The following ABCC3 variants were observed in gnomAD, a reference collection of about 807,000 sequenced individuals.
ABCC3 encodes ATP binding cassette subfamily C member 3, also known as ATP-binding cassette sub-family C member 3.
In ABCC3, 121 loss-of-function variants were observed where a neutral mutation model predicts 165.3. The observed-to-expected ratio is 0.73, with a 90% CI of 0.63 to 0.85. The LOEUF (loss-of-function observed/expected upper bound fraction) is 0.85, where lower values mean the gene tolerates loss of function less well. ABCC3 is among the 40% of genes least tolerant of loss of function. The pLI, the probability that ABCC3 is intolerant of heterozygous loss-of-function variation, is 0.00. For synonymous variants in ABCC3, 733 were observed against 810.1 expected, an observed-to-expected ratio of 0.90 and a Z score of 1.62; for missense variants, 1,869 against 1,964.1, an observed-to-expected ratio of 0.95 and a Z score of 0.92.
intron 1 of ABCC3, among the ~76,000 whole-genome samples, chr17:50,636,369 T>TAAA (rs4148406): frequency 1.3e-3 from 188 of 145,494 alleles, no homozygotes; most frequent in African/African-American, 4.5e-3. Flanking sequence ...GCAATGGAGG[T>TAAA]AAAAAAAAAA....
intron 4 of ABCC3, among the ~76,000 whole-genome samples, chr17:50,657,556 C>G (rs913416927): frequency 4.6e-5 from 7 of 152,218 alleles, no homozygotes; most frequent in African/African-American, 1.7e-4. Flanking sequence ...ATGTTCCCTT[C>G]CTTTCTTCCC....
At chr17:50,658,850 G>A (rs965742212) in intron 6 of ABCC3, among the ~76,000 whole-genome samples, 2 of 152,236 alleles carry the variant, frequency 1.3e-5, no homozygotes, top group African/African-American at 4.8e-5. Context: ...GCTTGAGCAG[G>A]ATAACTGTGT....
chr17:50,677,609 G>A, intron 23 of ABCC3, 135 bp from the exon 24 acceptor site: 2 of 848,864 alleles, frequency 2.4e-6, no homozygotes, highest in Non-Finnish European at 1.9e-6. Flanking sequence ...TGGAGGTGGG[G>A]GAAGGCAGCG....
rs1199360668 is a variant in ABCC3, at chr17:50,676,105, G to T, written c.3067+15G>T. On this transcript the variant is annotated intron_variant, in intron 22 of 30. Transcript: ENST00000285238. ...AATTCTGCAAGGTGAGCTTGTGGGG[G>T]TGTCCAGAAGGGGCTCCAATATCCC... is the stretch of plus-strand genomic sequence containing the variant. 1.2e-6 allele frequency: 2 copies of T among 1,613,940 alleles called. No homozygotes were observed. Among genetic ancestry groups the T allele is most frequent in the South Asian group, 1.1e-5 (1 of 91,056 alleles).
At chr17:50,659,541 G>A (rs1367704162) in intron 7 of ABCC3, among the ~76,000 whole-genome samples, 173 bp downstream of exon 7, 2 of 152,220 alleles carry the variant, frequency 1.3e-5, no homozygotes, top group African/African-American at 2.4e-5. Context: ...CCTGGATGGC[G>A]CTAGTTCTCC....
At chr17:50,678,361 A>G in intron 25 of ABCC3, 142 bp downstream of exon 25, 1 of 919,622 alleles carries the variant, frequency 1.1e-6, no homozygotes, top group Middle Eastern at 3.8e-4. Flanking sequence ...GAGAAAAAAA[A>G]AAAAAGAAAA....
intron 1 of ABCC3, chr17:50,635,683 C>T (rs2054173200): frequency 5.9e-6 from 4 of 675,088 alleles, no homozygotes; most frequent in South Asian, 4.7e-5. Flanking sequence ...AAGGGACTTG[C>T]CCAAAGTTAC....
intron 1 of ABCC3, among the ~76,000 whole-genome samples, chr17:50,640,715 G>A (rs1018620210): frequency 6.6e-6 from 1 of 152,158 alleles, no homozygotes; most frequent in Non-Finnish European, 1.5e-5. Flanking sequence ...TAGAGACAGC[G>A]TTTCGTCATG....
At chr17:50,652,862 A>C (rs1967138337) in intron 1 of ABCC3, among the ~76,000 whole-genome samples, 1 of 152,222 alleles carries the variant, frequency 6.6e-6, no homozygotes, top group South Asian at 2.1e-4. Flanking sequence ...GTTCAAATAA[A>C]CTTGGAGAAC....
chr17:50,683,945 C>A lies in ABCC3; in HGVS notation c.3955-4C>A. On this transcript the variant is annotated splice_polypyrimidine_tract_variant and splice_region_variant and intron_variant, in intron 27 of 30. Transcript: ENST00000285238. The stretch of plus-strand genomic sequence containing the variant: ...CCTCAGAGCCCCTTCCCTTCTCCGC[C>A]CAGGTGGGGATCGTGGGCCGCACTG... 1 of 1,612,698 alleles carries A rather than the reference C, an allele frequency of 6.2e-7. No individual in the cohort carries two copies. The highest frequency in any genetic ancestry group is 8.5e-7 in the Non-Finnish European group (1 of 1,179,426).
chr17:50,636,332 C>A (rs942080783), intron 1 of ABCC3, among the ~76,000 whole-genome samples: 1 of 151,332 alleles, frequency 6.6e-6, no homozygotes, highest in Non-Finnish European at 1.5e-5. Context: ...GGGCTGAAGG[C>A]GTTATATGGA....
In ABCC3 at chr17:50,667,706, G is replaced by A. The variant is rs1490949483; in HGVS notation, c.1584G>A (p.Ala528=). ...RQGELQLLRT[A]AYLHTTTTFT... ...GTGAGCTCCAGCTGCTGCGCACGGC[G>A]GCCTACCTCCACACCACAACCACCT... The change falls in exon 12 of 31, where the codon GCG becomes GCA. Residue 528 remains alanine, a synonymous_variant. Coordinates refer to ENST00000285238, the MANE Select transcript of ABCC3 (RefSeq NM_003786.4). The A allele has an allele frequency of 6.2e-6, 10 of 1,613,954 alleles. No individual in the cohort carries two copies. Among genetic ancestry groups the A allele is most frequent in the East Asian group, 2.2e-5 (1 of 44,894 alleles).
In ABCC3 at chr17:50,673,490, G is replaced by A. The variant is rs138307902; in HGVS notation, c.2431G>A (p.Gly811Ser). 6.8e-4 allele frequency: 1,093 copies of A among 1,614,118 alleles called. 4 individuals carry two copies. Among genetic ancestry groups the A allele is most frequent in the Non-Finnish European group, 3.3e-4 (385 of 1,180,012 alleles). ...AGKTRVLVTHGISFLPQTDFI... is the reference protein window; with the variant it reads ...AGKTRVLVTHSISFLPQTDFI... ...CCAGACGCGAGTGCTGGTGACGCAC[G>A]GCATTAGCTTCCTGCCCCAGACAGA... Residue 811 changes from glycine to serine, a missense_variant, in exon 19 of 31, where the codon GGC becomes AGC. Gly to Ser is a moderately conservative substitution (Grantham distance 56, BLOSUM62 0). Coordinates refer to ENST00000285238, the MANE Select transcript of ABCC3 (RefSeq NM_003786.4).
At chr17:50,652,496 T>G (rs1033890623) in intron 1 of ABCC3, among the ~76,000 whole-genome samples, 2 of 152,244 alleles carry the variant, frequency 1.3e-5, no homozygotes, top group Admixed American at 6.5e-5. Context: ...AATTAAAGAA[T>G]GCATCCCATT....
At chr17:50,674,848 G>A (rs1967766156) in intron 19 of ABCC3, among the ~76,000 whole-genome samples, 1 of 147,520 alleles carries the variant, frequency 6.8e-6, no homozygotes, top group Admixed American at 6.8e-5. Context: ...TGCCCAGGCT[G>A]GAGTGCAACG....
chr17:50,667,889 CG>C lies in ABCC3; in HGVS notation c.1663del (p.Val555CysfsTer24). The C allele has an allele frequency of 6.2e-7, 1 of 1,614,078 alleles. No homozygotes were observed. The highest frequency in any genetic ancestry group is 8.5e-7 in the Non-Finnish European group (1 of 1,179,966). On this transcript the variant is annotated frameshift_variant, in exon 13 of 31. Coordinates refer to ENST00000285238, the MANE Select transcript of ABCC3 (RefSeq NM_003786.4). LOFTEE classifies it high-confidence loss of function. Reference sequence around the variant, plus strand: ...TGACCCTGATCACCCTCTGGGTGTACGTGTACGTGGACCCAAACAATGTGCT... The same window carrying C: ...TGACCCTGATCACCCTCTGGGTGTACTGTACGTGGACCCAAACAATGTGCT... ...LVTLITLWVYVYVDPNNVLDA... is the reference protein window; with the variant it reads ...LVTLITLWVYXYVDPNNVLDA...
chr17:50,675,923 G>A lies in ABCC3; in HGVS notation c.2900G>A (p.Gly967Glu). 1.9e-6 allele frequency: 3 copies of A among 1,614,178 alleles called. No individual in the cohort carries two copies. Among genetic ancestry groups the A allele is most frequent in the South Asian group, 1.1e-5 (1 of 91,080 alleles). The change falls in exon 22 of 31, where the codon GGG becomes GAG. Residue 967 changes from glycine to glutamate, a missense_variant. Coordinates refer to ENST00000285238, the MANE Select transcript of ABCC3 (RefSeq NM_003786.4). ...TTCTGGGATTATGCCAAGGCCGTGG[G>A]GCTCTGTACCACGCTGGCCATCTGT... ...SVFWDYAKAV[G>E]LCTTLAICLL...
At chr17:50,668,773 TC>T in intron 14 of ABCC3, 79 bp from the exon 15 acceptor site, 5 of 1,234,824 alleles carry the variant, frequency 4.0e-6, no homozygotes, top group Non-Finnish European at 5.9e-6. Context: ...TGTCCTCCTT[TC>T]CCCTGCCCCC....
intron 4 of ABCC3, among the ~76,000 whole-genome samples, chr17:50,657,749 G>A (rs1218322015): frequency 1.3e-5 from 2 of 152,198 alleles, no homozygotes; most frequent in South Asian, 2.1e-4. Context: ...GGGCTCGGGC[G>A]GGTCGCTGAA....
Sources: gnomAD v4.1 joint callset for allele counts (sites outside exome capture counted in the v4.1 genomes callset) on GRCh38, gnomAD v4.1.1 for gene constraint, MANE v1.5 for transcripts, NCBI Gene and HGNC (gene_info 2026-07-23, HGNC 2026-07-21) for gene names.